The following MYH14 variants were observed in gnomAD, a reference collection of about 807,000 sequenced individuals.
MYH14 encodes myosin-14.
A neutral mutation model predicts 255.5 loss-of-function variants in MYH14; 123 were observed. That is an observed-to-expected ratio of 0.48 (90% CI 0.42 to 0.56). MYH14 has a LOEUF of 0.56. Ranked by LOEUF, MYH14 falls within the 20% of genes least tolerant of loss-of-function variation. MYH14 has a pLI of 0.00. For synonymous variants in MYH14, 1,095 were observed against 1,161.2 expected, an observed-to-expected ratio of 0.94 and a Z score of 1.16; for missense variants, 2,423 against 2,802.3, an observed-to-expected ratio of 0.86 and a Z score of 3.06.
chr19:50,272,550 C>T lies in MYH14; in HGVS notation c.3296-10C>T, dbSNP rs1410337491. 3.2e-6 allele frequency: 5 copies of T among 1,561,362 alleles called. No individual in the cohort carries two copies. Among genetic ancestry groups the T allele is most frequent in the Non-Finnish European group, 4.3e-6 (5 of 1,153,040 alleles). ...GAGTCCTCATGCACGGCCCCCACCC[C>T]TGCCTCCAGACCGCCTACGGAAGGA... On this transcript the variant is annotated splice_polypyrimidine_tract_variant and intron_variant, in intron 26 of 42. Transcript: ENST00000642316.
intron 3 of MYH14, among the ~76,000 whole-genome samples, chr19:50,219,698 T>C (rs888798699): frequency 6.6e-6 from 1 of 150,808 alleles, no homozygotes; most frequent in African/African-American, 2.5e-5. Flanking sequence ...GCTGAGCAGG[T>C]TGTACACTGA....
intron 39 of MYH14, among the ~76,000 whole-genome samples, chr19:50,299,852 A>G (rs1242107533): frequency 2.0e-5 from 3 of 150,534 alleles, no homozygotes; most frequent in African/African-American, 4.9e-5. Context: ...GGCTGAGGCA[A>G]GAAAATCGCT....
intron 35 of MYH14, 118 bp from the exon 36 acceptor site, chr19:50,290,769 A>G: frequency 9.6e-7 from 1 of 1,036,528 alleles, no homozygotes; most frequent in East Asian, 2.6e-5. Flanking sequence ...TCAGGGAGTG[A>G]GAGGAGCGGG....
chr19:50,250,747 G>A lies in MYH14; in HGVS notation c.1830+59G>A. The A allele has an allele frequency of 6.5e-7, 1 of 1,531,168 alleles. No individual in the cohort carries two copies. Among genetic ancestry groups the A allele is most frequent in the African/African-American group, 1.4e-5 (1 of 73,466 alleles). The allele number at this position is 1,531,168 out of a possible 1,614,324, so 94.8% of individuals were successfully genotyped here. On this transcript the variant is annotated intron_variant, in intron 15 of 42. Transcript: ENST00000642316. This position sits in a 1 kb window ranked among gnomAD's most constrained non-coding sequence, Gnocchi z 5.4. ...AGTGGGGATCAAGGGATCTCCACTGGCTACAGATGGGGGGAGGGTGCAGAG... is the reference window on the plus strand; with the variant it reads ...AGTGGGGATCAAGGGATCTCCACTGACTACAGATGGGGGGAGGGTGCAGAG...
At chr19:50,210,795 G>A (rs201054274) in intron 2 of MYH14, 25 bp downstream of exon 2, 502 of 1,537,530 alleles carry the variant, frequency 3.3e-4, no homozygotes, top group African/African-American at 4.0e-4. Context: ...GCTGGGGGGC[G>A]CGTGCGGCGG....
intron 22 of MYH14, among the ~76,000 whole-genome samples, chr19:50,264,106 C>T (rs1461152562): frequency 1.3e-5 from 1 of 74,816 alleles, no homozygotes; most frequent in Non-Finnish European, 2.7e-5. Flanking sequence ...AAAAAAAGTA[C>T]ATAAGTGTCT....
chr19:50,257,537 G>T, intron 18 of MYH14, 51 bp downstream of exon 18: 1 of 1,542,472 alleles, frequency 6.5e-7, no homozygotes, highest in Non-Finnish European at 8.8e-7. Context: ...GTGGGTTAAG[G>T]TTTGGCCTCT....
intron 17 of MYH14, among the ~76,000 whole-genome samples, chr19:50,256,093 C>A (rs1327167800): frequency 6.6e-6 from 1 of 151,772 alleles, no homozygotes; most frequent in East Asian, 1.9e-4. Flanking sequence ...GCCTGAGCAA[C>A]ACAGGAAGAC....
chr19:50,303,068 A>G (rs1454656812), intron 40 of MYH14, among the ~76,000 whole-genome samples: 1 of 152,204 alleles, frequency 6.6e-6, no homozygotes, highest in Non-Finnish European at 1.5e-5. Flanking sequence ...CCAGTTAGTT[A>G]TAGCTGAATT....
intron 10 of MYH14, among the ~76,000 whole-genome samples, chr19:50,234,164 G>A (rs1600903384): frequency 6.6e-6 from 1 of 152,142 alleles, no homozygotes; most frequent in East Asian, 1.9e-4. Flanking sequence ...CGTTACATCC[G>A]TAATGACCCT....
At position 50,271,390 on chromosome 19, in the gene MYH14, T is replaced by A; in HGVS notation, c.3034-19T>A. The A allele has an allele frequency of 6.3e-7, 1 of 1,592,372 alleles. No homozygotes were observed. The highest frequency in any genetic ancestry group is 8.5e-7 in the Non-Finnish European group (1 of 1,170,046). ...TCTATTGGCCCAGTATCCTCACTCC[T>A]CCTGCCTTCCCACCCCAGGAGCTAG... On this transcript the variant is annotated intron_variant, in intron 24 of 42. Coordinates refer to ENST00000642316, the MANE Select transcript of MYH14 (RefSeq NM_001145809.2).
In MYH14 at chr19:50,268,307, G is replaced by C; in HGVS notation, c.2973G>C (p.Glu991Asp). The change falls in exon 24 of 43, where the codon GAG becomes GAC. Residue 991 changes from glutamate to aspartate, a missense_variant. By Grantham distance (45) the Glu-to-Asp change is conservative (BLOSUM62 2). Transcript: ENST00000642316. ...VVSELEARVG[E>D]EEECSRQMQT... is the part of the protein sequence containing the mutation. ...CAGAGCTGGAGGCTCGCGTGGGCGA[G>C]GAGGAGGAGTGCAGCCGTCAAATGC... is the stretch of plus-strand genomic sequence containing the variant. 6.3e-7 allele frequency: 1 copy of C among 1,587,224 alleles called. No homozygotes were observed. The highest frequency in any genetic ancestry group is 1.8e-5 in the Admixed American group (1 of 56,472).
chr19:50,240,332 A>C (rs1024231645), intron 10 of MYH14, among the ~76,000 whole-genome samples: 1 of 152,160 alleles, frequency 6.6e-6, no homozygotes, highest in African/African-American at 2.4e-5. Flanking sequence ...TAATCCCAGC[A>C]CTTTGGGAGG....
chr19:50,246,684 C>T (rs577451985), intron 11 of MYH14, among the ~76,000 whole-genome samples: 6 of 152,172 alleles, frequency 3.9e-5, no homozygotes, highest in Admixed American at 3.3e-4. Context: ...TGAATGAAGC[C>T]CGACCCATCT....
Position 50,281,592 on chromosome 19 carries a change from A to G in MYH14, c.4291-2A>G. 1 of 1,582,144 alleles carries G rather than the reference A, an allele frequency of 6.3e-7. No homozygotes were observed. Among genetic ancestry groups the G allele is most frequent in the Non-Finnish European group, 8.6e-7 (1 of 1,164,254 alleles). ...CAACCACCCTCTCTCTCCTCCCCTC[A>G]GCTTTCCGAGTGGCGGCGGCGCCAG... On this transcript the variant is annotated splice_acceptor_variant, in intron 32 of 42. Transcript: ENST00000642316. LOFTEE classifies it high-confidence loss of function.
rs187402466 is a variant in MYH14, at chr19:50,250,756, G to A, written c.1830+68G>A. 13 of 1,506,074 alleles carry A rather than the reference G, an allele frequency of 8.6e-6. No homozygotes were observed. Among genetic ancestry groups the A allele is most frequent in the Middle Eastern group, 3.8e-4 (2 of 5,308 alleles). 93.3% of individuals were successfully genotyped at this position (1,506,074 alleles called of 1,614,324 possible). A position where few individuals can be genotyped will look rare whatever the true frequency, so the allele number is the denominator to read the frequency against. On this transcript the variant is annotated intron_variant, in intron 15 of 42. Coordinates refer to ENST00000642316, the MANE Select transcript of MYH14 (RefSeq NM_001145809.2). The surrounding 1 kb of genome is among the most constrained non-coding windows in gnomAD (Gnocchi z 5.4). ...CAAGGGATCTCCACTGGCTACAGAT[G>A]GGGGGAGGGTGCAGAGGGAAAACAG... is the stretch of plus-strand genomic sequence containing the variant.
rs570941847 is a variant in MYH14, at chr19:50,252,997, A to G, written c.1945+244A>G. 1.3e-5 allele frequency among the ~76,000 whole-genome samples: 2 copies of G among 152,360 alleles called. No individual in the cohort carries two copies. Among genetic ancestry groups the G allele is most frequent in the African/African-American group, 4.8e-5 (2 of 41,592 alleles). ...CTCAAGGATAAAGCACTCCGCCTTA[A>G]TCAGAAACGTGGCAAAGATACCCAC... On this transcript the variant is annotated intron_variant, in intron 16 of 42. Coordinates refer to ENST00000642316, the MANE Select transcript of MYH14 (RefSeq NM_001145809.2). This position sits in a 1 kb window ranked among gnomAD's most constrained non-coding sequence, Gnocchi z 4.2.
intron 16 of MYH14, among the ~76,000 whole-genome samples, chr19:50,253,184 G>A (rs2034465333): frequency 6.6e-6 from 1 of 152,192 alleles, no homozygotes; most frequent in South Asian, 2.1e-4. Flanking sequence ...GCTCACACCT[G>A]TAATCCCAGC....
chr19:50,308,836 AG>A (rs563171139), intron 41 of MYH14, 168 bp from the exon 42 acceptor site: 45 of 682,986 alleles, frequency 6.6e-5, no homozygotes, highest in Admixed American at 5.3e-4. Flanking sequence ...GTCAGGGTAG[AG>A]GCTGGCATGA....
Sources: allele counts gnomAD v4.1 joint callset (sites outside exome capture counted in the v4.1 genomes callset), GRCh38; gene constraint gnomAD v4.1.1; non-coding constraint Gnocchi (gnomAD v3.1); transcripts MANE v1.5; gene names NCBI Gene and HGNC (gene_info 2026-07-23, HGNC 2026-07-21).